The following TUSC3 variants were observed in gnomAD, a reference collection of about 807,000 sequenced individuals.
TUSC3 encodes the protein dolichyl-diphosphooligosaccharide--protein glycosyltransferase subunit TUSC3.
Under a neutral mutation model 44.8 loss-of-function variants are expected in TUSC3, and 45 were observed. That is an observed-to-expected ratio of 1.00 (90% CI 0.79 to 1.29). TUSC3 has a LOEUF of 1.29. Ranked by LOEUF, TUSC3 falls within the 50% of genes most tolerant of loss-of-function variation. The pLI is 0.00. For missense variants in TUSC3, 519 were observed against 437.9 expected (o/e 1.19, Z -1.65); for synonymous variants, 212 against 152.9 (o/e 1.39, Z -2.85).
At chr8:15,653,618 T>C (rs1368149208) in intron 3 of TUSC3, among the ~76,000 whole-genome samples, 2 of 152,134 alleles carry the variant, frequency 1.3e-5, no homozygotes, top group African/African-American at 2.4e-5. Context: ...TTTCCCAAAA[T>C]CTAGTCCTTG....
At chr8:15,702,124 C>G (rs1809432719) in intron 6 of TUSC3, among the ~76,000 whole-genome samples, 1 of 152,048 alleles carries the variant, frequency 6.6e-6, no homozygotes, top group African/African-American at 2.4e-5. Context: ...TCAAGAGAGC[C>G]TATTTTCTTG....
chr8:15,677,731 C>T (rs1202130929), intron 6 of TUSC3, among the ~76,000 whole-genome samples: 1 of 152,146 alleles, frequency 6.6e-6, no homozygotes, highest in Non-Finnish European at 1.5e-5. Context: ...TGACACATAG[C>T]TACCAGGGCC....
intron 1 of TUSC3, among the ~76,000 whole-genome samples, chr8:15,565,372 T>C (rs1270282085): frequency 6.6e-6 from 1 of 152,148 alleles, no homozygotes; most frequent in Admixed American, 6.5e-5. Flanking sequence ...GGATCATTTG[T>C]TTAGTCACAT....
the TUSC3 span, among the ~76,000 whole-genome samples, chr8:15,824,217 A>G: frequency 3.9e-5 from 6 of 152,292 alleles, no homozygotes; most frequent in South Asian, 1.2e-3. Context: ...GTTATTGATT[A>G]TTAATATCCG....
intron 6 of TUSC3, among the ~76,000 whole-genome samples, chr8:15,726,402 G>A (rs1009014355): frequency 1.3e-5 from 2 of 151,920 alleles, no homozygotes; most frequent in African/African-American, 4.8e-5. Flanking sequence ...ATAAAATTGG[G>A]CTTTAAGTAA....
intron 1 of TUSC3, among the ~76,000 whole-genome samples, chr8:15,583,041 G>A (rs781406932): frequency 2.6e-5 from 4 of 152,128 alleles, no homozygotes; most frequent in Non-Finnish European, 4.4e-5. Flanking sequence ...ATGTAGCTAG[G>A]TGACCATGAA....
chr8:15,709,486 T>G (rs914850126), intron 6 of TUSC3, among the ~76,000 whole-genome samples: 34 of 151,958 alleles, frequency 2.2e-4, no homozygotes, highest in African/African-American at 8.2e-4. Flanking sequence ...CCTTCTTCAT[T>G]TTTGCTCCTC....
intron 6 of TUSC3, among the ~76,000 whole-genome samples, chr8:15,681,992 TAATTTC>T (rs1808447292): frequency 6.6e-6 from 1 of 152,156 alleles, no homozygotes; most frequent in Non-Finnish European, 1.5e-5. Flanking sequence ...CTCTTGATAT[TAATTTC>T]TATTTTTATT....
chr8:15,664,875 A>T (rs1245830233), intron 5 of TUSC3, among the ~76,000 whole-genome samples: 1 of 150,830 alleles, frequency 6.6e-6, no homozygotes, highest in African/African-American at 2.4e-5. Flanking sequence ...AAATATATAA[A>T]TTGGGTCTTC....
At chr8:15,813,150 A>G in the TUSC3 span, among the ~76,000 whole-genome samples, 4 of 152,082 alleles carry the variant, frequency 2.6e-5, no homozygotes, top group African/African-American at 7.2e-5. Context: ...CCAGGACACA[A>G]TGCTTTTGTA....
chr8:15,451,963 G>T (rs997904005), intron 1 of TUSC3, among the ~76,000 whole-genome samples: 6 of 152,212 alleles, frequency 3.9e-5, no homozygotes, highest in African/African-American at 1.4e-4. Context: ...TTTTTATAAT[G>T]TGAGGCCTTT....
intron 8 of TUSC3, among the ~76,000 whole-genome samples, chr8:15,746,637 T>C (rs1374618825): frequency 6.6e-6 from 1 of 152,058 alleles, no homozygotes; most frequent in Non-Finnish European, 1.5e-5. Flanking sequence ...TCTTCTGTCT[T>C]ACTTGATCAC....
At chr8:15,602,348 A>G (rs536870825) in intron 1 of TUSC3, among the ~76,000 whole-genome samples, 52 of 151,810 alleles carry the variant, frequency 3.4e-4, no homozygotes, top group African/African-American at 1.2e-3. Flanking sequence ...TGTCTGGACA[A>G]ACTTCCATCA....
At chr8:15,665,264 T>C (rs994801548) in intron 5 of TUSC3, among the ~76,000 whole-genome samples, 7 of 151,252 alleles carry the variant, frequency 4.6e-5, no homozygotes, top group Admixed American at 4.6e-4. Flanking sequence ...AACAAAAAAA[T>C]GTATACAAAG....
At chr8:15,594,352 T>C (rs1346777782) in intron 1 of TUSC3, among the ~76,000 whole-genome samples, 2 of 152,164 alleles carry the variant, frequency 1.3e-5, no homozygotes, top group African/African-American at 4.8e-5. Context: ...AATTTTAACA[T>C]CAGTGTCAGT....
At chr8:15,712,782 A>G (rs1161509131) in intron 6 of TUSC3, among the ~76,000 whole-genome samples, 2 of 152,094 alleles carry the variant, frequency 1.3e-5, no homozygotes, top group Non-Finnish European at 2.9e-5. Flanking sequence ...CCTTTATTCT[A>G]GTCTTCACAG....
chr8:15,609,565 G>T (rs1482072534), intron 1 of TUSC3, among the ~76,000 whole-genome samples: 4 of 152,012 alleles, frequency 2.6e-5, no homozygotes, highest in Non-Finnish European at 5.9e-5. Context: ...AGCTAATGCA[G>T]TGGTGGAAAA....
intron 1 of TUSC3, among the ~76,000 whole-genome samples, chr8:15,428,275 G>C (rs544469024): frequency 7.3e-5 from 11 of 151,516 alleles, no homozygotes; most frequent in Non-Finnish European, 1.5e-4. Flanking sequence ...CAGCTTCATC[G>C]ATGTCCCTAC....
intron 2 of TUSC3, among the ~76,000 whole-genome samples, chr8:15,493,671 G>A (rs1443848859): frequency 1.3e-5 from 2 of 152,154 alleles, no homozygotes; most frequent in Non-Finnish European, 2.9e-5. Flanking sequence ...AAACATAGTT[G>A]CTGCCCTTAG....
Sources: gnomAD v4.1 joint callset for allele counts (sites outside exome capture counted in the v4.1 genomes callset) on GRCh38, gnomAD v4.1.1 for gene constraint, MANE v1.5 for transcripts, NCBI Gene and HGNC (gene_info 2026-07-23, HGNC 2026-07-21) for gene names.